CNBD2: variants seen among roughly 807,000 people sequenced by gnomAD.
CNBD2 encodes cyclic nucleotide-binding domain-containing protein 2.
Under a neutral mutation model 63.7 loss-of-function variants are expected in CNBD2, and 64 were observed. The observed-to-expected ratio is 1.00, with a 90% CI of 0.82 to 1.24. The LOEUF (loss-of-function observed/expected upper bound fraction) is 1.24, where lower values mean the gene tolerates loss of function less well. Among genes scored for constraint, CNBD2 ranks in the 50% most tolerant of loss-of-function variants. The probability of loss-of-function intolerance (pLI) is 0.00; values close to 1 mark genes in which losing one functional copy is unlikely to be tolerated. For missense variants in CNBD2, 691 were observed against 713.5 expected, an observed-to-expected ratio of 0.97 and a Z score of 0.36; for synonymous variants, 229 against 255.4, an observed-to-expected ratio of 0.90 and a Z score of 0.99.
At chr20:35,977,748 T>G (rs1218700515) in intron 3 of CNBD2, among the ~76,000 whole-genome samples, 1 of 152,148 alleles carries the variant, frequency 6.6e-6, no homozygotes, top group African/African-American at 2.4e-5. Context: ...AGGGTTTCTT[T>G]GGGGTGATGA....
In CNBD2 at chr20:36,030,368, T is replaced by C. The variant is rs1257178627; in HGVS notation, c.1451T>C (p.Met484Thr). Residue 484 changes from methionine to threonine, a missense_variant, in exon 12 of 12, where the codon ATG (methionine) becomes ACG (threonine). Transcript: ENST00000373973. ...LNIAFPSDEDMCQKFLQQNSW... is the reference protein window; with the variant it reads ...LNIAFPSDEDTCQKFLQQNSW... ...TGCCTGCCCTTTAGTGATGAAGATA[T>C]GTGCCAGAAGTTCCTCCAGCAGAAC... The C allele has an allele frequency of 1.9e-6, 3 of 1,614,096 alleles. No homozygotes were observed. The highest frequency in any genetic ancestry group is 4.5e-5 in the East Asian group (2 of 44,868).
At chr20:35,998,743 C>T (rs570953523) in intron 8 of CNBD2, among the ~76,000 whole-genome samples, 40 of 152,022 alleles carry the variant, frequency 2.6e-4, no homozygotes, top group Non-Finnish European at 4.3e-4. Flanking sequence ...CATGGTGGCG[C>T]ATGCCTGTAG....
chr20:35,976,675 A>G (rs929986108), intron 3 of CNBD2, among the ~76,000 whole-genome samples: 5 of 152,096 alleles, frequency 3.3e-5, no homozygotes, highest in African/African-American at 9.7e-5. Context: ...CTGAATTTCA[A>G]TCTCATCATT....
intron 7 of CNBD2, among the ~76,000 whole-genome samples, chr20:35,992,857 C>T (rs1023512852): frequency 4.8e-5 from 7 of 147,324 alleles, no homozygotes; most frequent in Non-Finnish European, 8.9e-5. Flanking sequence ...GAGTGTTCAT[C>T]TCTGGGAGGG....
chr20:36,008,236 C>T, intron 8 of CNBD2, 61 bp from the exon 9 acceptor site: 1 of 1,384,794 alleles, frequency 7.2e-7, no homozygotes, highest in Non-Finnish European at 9.9e-7. Context: ...CAACTACTAC[C>T]ACCATAACCA....
chr20:36,007,039 A>G (rs2147315848), intron 8 of CNBD2, among the ~76,000 whole-genome samples: 1 of 152,060 alleles, frequency 6.6e-6, no homozygotes, highest in East Asian at 1.9e-4. Context: ...AATACAGAAA[A>G]TTAGCTGGGC....
chr20:35,970,210 T>G (rs1243998586), intron 1 of CNBD2, among the ~76,000 whole-genome samples: 1 of 152,210 alleles, frequency 6.6e-6, no homozygotes, highest in African/African-American at 2.4e-5. Context: ...TTGAATTACC[T>G]TTGCTCATTT....
chr20:36,000,879 G>A (rs1332927398), intron 8 of CNBD2, among the ~76,000 whole-genome samples: 1 of 151,506 alleles, frequency 6.6e-6, no homozygotes, highest in Non-Finnish European at 1.5e-5. Context: ...GTTTTCCTAG[G>A]CAGAGGACCC....
At chr20:35,974,357 C>G (rs1415465791) in intron 2 of CNBD2, 1 of 153,654 alleles carries the variant, frequency 6.5e-6, no homozygotes, top group South Asian at 2.1e-4. Context: ...TGCAATGGGC[C>G]CTGGAGATCA....
intron 6 of CNBD2, among the ~76,000 whole-genome samples, chr20:35,985,154 CT>C (rs2056651050): frequency 6.6e-6 from 1 of 151,770 alleles, no homozygotes; most frequent in Non-Finnish European, 1.5e-5. Context: ...AAAAAATTAG[CT>C]GGGTGTGGTG....
At position 35,972,675 on chromosome 20, in the gene CNBD2, G is replaced by A. The variant is rs999318477; in HGVS notation, c.98G>A (p.Cys33Tyr). The change falls in exon 2 of 12, where the codon TGT becomes TAT. Residue 33 changes from cysteine (C) to tyrosine (Y), a missense_variant. By Grantham distance (194) the Cys-to-Tyr change is radical. Transcript: ENST00000373973. ...GATATCATCATAATGATCCGAGTGT[G>A]TAAAATGTTCCGCCAAGGCCTCAGG... ...AMDIIIMIRV[C>Y]KMFRQGLRGF... The A allele has an allele frequency of 6.2e-7, 1 of 1,614,054 alleles. No homozygotes were observed. Among genetic ancestry groups the A allele is most frequent in the Non-Finnish European group, 8.5e-7 (1 of 1,179,932 alleles).
At chr20:35,996,344 A>T (rs778524615) in intron 8 of CNBD2, among the ~76,000 whole-genome samples, 17 of 152,098 alleles carry the variant, frequency 1.1e-4, no homozygotes, top group Non-Finnish European at 4.4e-5. Flanking sequence ...TGTGGTTTGG[A>T]CACATCCTAG....
intron 1 of CNBD2, among the ~76,000 whole-genome samples, chr20:35,971,500 C>T (rs2056417617): frequency 6.6e-6 from 1 of 152,126 alleles, no homozygotes; most frequent in South Asian, 2.1e-4. Flanking sequence ...ACTGCAACCT[C>T]TGCCTCCCAG....
At chr20:35,960,221 C>G (rs971701121), downstream of CNBD2, among the ~76,000 whole-genome samples, 6 of 152,202 alleles carry the variant, frequency 3.9e-5, no homozygotes, top group Non-Finnish European at 8.8e-5. Context: ...AACCCCTTTA[C>G]TTCACAGATG....
At chr20:35,967,370 C>T (rs565547622), upstream of CNBD2, among the ~76,000 whole-genome samples, 6 of 150,984 alleles carry the variant, frequency 4.0e-5, no homozygotes, top group Admixed American at 2.0e-4. Flanking sequence ...CCACCTCAGC[C>T]TCCCGAGTAG....
In CNBD2 at chr20:36,023,688, A is replaced by G; in HGVS notation, c.1356A>G (p.Ile452Met). The G allele has an allele frequency of 6.2e-7, 1 of 1,613,938 alleles. No individual in the cohort carries two copies. Among genetic ancestry groups the G allele is most frequent in the Non-Finnish European group, 8.5e-7 (1 of 1,179,916 alleles). ...LMSLGNELIRIRKEIFYELID... is the reference protein window; with the variant it reads ...LMSLGNELIRMRKEIFYELID... ...GCCTGGGAAATGAGTTGATACGGATAAGGAAGGAAATATTTTATGAACTGA... is the reference window on the plus strand; with the variant it reads ...GCCTGGGAAATGAGTTGATACGGATGAGGAAGGAAATATTTTATGAACTGA... Residue 452 changes from isoleucine (I) to methionine (M), a missense_variant, in exon 11 of 12, where the codon ATA (isoleucine) becomes ATG (methionine). Coordinates refer to ENST00000373973, the MANE Select transcript of CNBD2 (RefSeq NM_001365709.1).
chr20:35,961,386 C>A (rs1427266114), intron 2 of CNBD2, among the ~76,000 whole-genome samples: 2 of 152,228 alleles, frequency 1.3e-5, no homozygotes, highest in African/African-American at 4.8e-5. Context: ...TTCCTGAGCT[C>A]TGCCAGTGTC....
intron 7 of CNBD2, among the ~76,000 whole-genome samples, chr20:35,993,867 CTT>C (rs58873487): frequency 1.4e-3 from 122 of 86,448 alleles, no homozygotes; most frequent in African/African-American, 2.7e-3. Context: ...TTCAGCTAAT[CTT>C]TTTTTTTTTT....
At chr20:35,965,431 G>A (rs973615791), upstream of CNBD2, among the ~76,000 whole-genome samples, 18 of 152,186 alleles carry the variant, frequency 1.2e-4, no homozygotes, top group African/African-American at 4.1e-4. Flanking sequence ...ACCCGCATCA[G>A]CCTCCCAAAG....
Sources: allele counts gnomAD v4.1 joint callset (sites outside exome capture counted in the v4.1 genomes callset), GRCh38; gene constraint gnomAD v4.1.1; transcripts MANE v1.5; gene names NCBI Gene and HGNC (gene_info 2026-07-23, HGNC 2026-07-21).